The following BTF3L4 variants were observed in gnomAD, a reference collection of about 807,000 sequenced individuals.
The protein encoded by BTF3L4 is transcription factor BTF3 homolog 4.
Under a neutral mutation model 16.8 loss-of-function variants are expected in BTF3L4, and 6 were observed. The observed-to-expected ratio is 0.36, with a 90% confidence interval of 0.20 to 0.71. The LOEUF (loss-of-function observed/expected upper bound fraction) is 0.71. Ranked by LOEUF, BTF3L4 falls within the 30% of genes least tolerant of loss-of-function variation. The pLI, the probability that BTF3L4 is intolerant of heterozygous loss-of-function variation, is 0.58. For synonymous variants in BTF3L4, 39 were observed against 59.8 expected (o/e 0.65, Z 1.60); for missense variants, 92 against 186.9 (o/e 0.49, Z 2.96).
chr1:52,066,014 GGTGACAGA>G (rs1686638712), intron 3 of BTF3L4, among the ~76,000 whole-genome samples: 1 of 152,008 alleles, frequency 6.6e-6, no homozygotes, highest in South Asian at 2.1e-4. Context: ...CTCCAGCCTG[GGTGACAGA>G]GTGAGCATCC....
chr1:52,088,362 A>G lies in BTF3L4; in HGVS notation c.*1604A>G, dbSNP rs1443686470. On this transcript the variant is annotated 3_prime_UTR_variant, in exon 6 of 6. Transcript: ENST00000313334. Reference sequence around the variant, plus strand: ...TTATGTTTTATATAATATATGGACTAAACAAAATAAAATAACAGTGCAAAA... The same window carrying G: ...TTATGTTTTATATAATATATGGACTGAACAAAATAAAATAACAGTGCAAAA... The G allele has an allele frequency of 6.6e-6, 1 of 152,632 alleles. No individual in the cohort carries two copies. The allele number at this position is 152,632 out of a possible 1,614,324, so 9.5% of individuals were successfully genotyped here.
chr1:52,079,381 C>A (rs1160681277), intron 3 of BTF3L4, among the ~76,000 whole-genome samples: 644 of 126,090 alleles, frequency 5.1e-3, no homozygotes, highest in Non-Finnish European at 5.9e-3. Context: ...GACTCCATCT[C>A]AAAAAAAAAA....
intron 3 of BTF3L4, among the ~76,000 whole-genome samples, chr1:52,074,381 T>TC (rs1243743619): frequency 3.3e-5 from 5 of 151,506 alleles, no homozygotes; most frequent in Non-Finnish European, 5.9e-5. Flanking sequence ...TTTTTTTTTT[T>TC]GGAGGCAGTT....
Position 52,089,024 on chromosome 1 carries a change from T to A in BTF3L4, c.*2266T>A, listed in dbSNP as rs1283423441. 2 of 151,854 alleles carry A rather than the reference T, an allele frequency of 1.3e-5. No individual in the cohort carries two copies. The highest frequency in any genetic ancestry group is 4.8e-5 in the African/African-American group (2 of 41,256). 9.4% of individuals were successfully genotyped at this position (151,854 alleles called of 1,614,324 possible). A position where few individuals can be genotyped will look rare whatever the true frequency, so the allele number is the denominator to read the frequency against. On this transcript the variant is annotated 3_prime_UTR_variant, in exon 6 of 6. Coordinates refer to ENST00000313334, the MANE Select transcript of BTF3L4 (RefSeq NM_152265.5). ...ATTCATTTGCCTCGGCCTCCCAAAG[T>A]GCTAGGATTACAGGCGTGAGCCACT...
chr1:52,083,593 C>T, intron 4 of BTF3L4, 52 bp downstream of exon 4: 1 of 1,417,882 alleles, frequency 7.1e-7, no homozygotes, highest in Non-Finnish European at 9.9e-7. Flanking sequence ...CTTAAAGAAC[C>T]TAATCATTTA....
intron 3 of BTF3L4, among the ~76,000 whole-genome samples, chr1:52,073,507 C>T: frequency 6.8e-6 from 1 of 147,032 alleles, no homozygotes; most frequent in East Asian, 2.0e-4. Flanking sequence ...CACACACACA[C>T]ACACACACAC....
At position 52,078,661 on chromosome 1, in the gene BTF3L4, T is replaced by C. The variant is rs191048119; in HGVS notation, c.169-4679T>C. Among the ~76,000 whole-genome samples the C allele has an allele frequency of 6.5e-3, 985 of 152,270 alleles. 10 individuals carry two copies. The highest frequency in any genetic ancestry group is 0.022 in the African/African-American group (910 of 41,544). ...ATGGAGAAGTAGGAAATGGTTCTTC[T>C]AAACAGTGAAAACAGCATATATAAA... is the stretch of plus-strand genomic sequence containing the variant. On this transcript the variant is annotated intron_variant, in intron 3 of 5. Coordinates refer to ENST00000313334, the MANE Select transcript of BTF3L4 (RefSeq NM_152265.5).
At position 52,089,383 on chromosome 1, in the gene BTF3L4, A is replaced by G. The variant is rs1394400050; in HGVS notation, c.*2625A>G. The G allele has an allele frequency of 6.6e-6, 1 of 152,122 alleles. No homozygotes were observed. The highest frequency in any genetic ancestry group is 6.6e-5 in the Admixed American group (1 of 15,258). The allele number at this position is 152,122 out of a possible 1,614,324, so 9.4% of individuals were successfully genotyped here. On this transcript the variant is annotated 3_prime_UTR_variant, in exon 6 of 6. Transcript: ENST00000313334. ...TCTTCCCCTTTCCTGAACAAAGCAT[A>G]TTTAGAGTCTCAAAGAAATCCTCTC...
At chr1:52,073,663 GGTAACATCGTGAGATGCT>G (rs1686855938) in intron 3 of BTF3L4, among the ~76,000 whole-genome samples, 2 of 114,232 alleles carry the variant, frequency 1.8e-5, no homozygotes. Context: ...GACCAGCCTA[GGTAACATCGTGAGATGCT>G]GTCTCTACAA....
rs1016470690 is a variant in BTF3L4 at position 52,071,931 on chromosome 1, C to G, written c.168+6993C>G. 4.3e-3 allele frequency among the ~76,000 whole-genome samples: 550 copies of G among 127,968 alleles called. 11 individuals carry two copies. The East Asian group carries it at 0.047, about 11-fold the overall frequency. The allele number at this position is 127,968 out of a possible 152,430, so 84.0% of individuals were successfully genotyped here. On this transcript the variant is annotated intron_variant, in intron 3 of 5. Transcript: ENST00000313334. The stretch of plus-strand genomic sequence containing the variant: ...TTGGCTTTTTGTTTTGTTTTTTACT[C>G]TGTGTGTGTGTGTGTGTGTGTGTGT...
intron 2 of BTF3L4, among the ~76,000 whole-genome samples, chr1:52,063,140 C>T (rs1027388765): frequency 1.7e-4 from 26 of 152,006 alleles, no homozygotes; most frequent in African/African-American, 6.0e-4. Flanking sequence ...GGAATTGACA[C>T]GATTTAGTGA....
intron 3 of BTF3L4, among the ~76,000 whole-genome samples, chr1:52,066,037 C>CA (rs917023476): frequency 2.8e-4 from 41 of 144,546 alleles, no homozygotes; most frequent in East Asian, 4.0e-4. Context: ...GCATCCGTCT[C>CA]AAAAAAAAAA....
At chr1:52,070,081 G>A (rs35645368) in intron 3 of BTF3L4, among the ~76,000 whole-genome samples, 5,115 of 152,126 alleles carry the variant, frequency 0.034, 109 homozygotes, top group African/African-American at 0.046. Flanking sequence ...GCTGAGTGTG[G>A]TGGTGCATGC....
chr1:52,066,239 G>C (rs1456934731), intron 3 of BTF3L4, among the ~76,000 whole-genome samples: 1 of 151,926 alleles, frequency 6.6e-6, no homozygotes. Flanking sequence ...TGTCACCCAG[G>C]CTAGAGTGCA....
rs534485590 is a variant in BTF3L4 at position 52,087,557 on chromosome 1, C to A, written c.*799C>A. ...ATATAGAGTTTAGCGAGTGCCTAAT[C>A]CCTCCTTTTGTAAGATTTTGTTCCC... On this transcript the variant is annotated 3_prime_UTR_variant, in exon 6 of 6. Transcript: ENST00000313334. The A allele has an allele frequency of 2.6e-5, 4 of 152,216 alleles. No individual in the cohort carries two copies. The highest frequency in any genetic ancestry group is 9.6e-5 in the African/African-American group (4 of 41,534). The allele number at this position is 152,216 out of a possible 1,614,324, so 9.4% of individuals were successfully genotyped here.
rs1047141628 is a variant in BTF3L4, at chr1:52,086,988, G to A, written c.*230G>A. 4.7e-5 allele frequency: 19 copies of A among 404,040 alleles called. No homozygotes were observed. Among genetic ancestry groups the A allele is most frequent in the African/African-American group, 3.6e-4 (17 of 47,806 alleles). The allele number at this position is 404,040 out of a possible 1,614,324, so 25.0% of individuals were successfully genotyped here. Reference sequence around the variant, plus strand: ...TATGAAGTATTGGTGCAGTTTGAGGGTGTTTTGGTTTTTGATTCCTGGTTT... The same window carrying A: ...TATGAAGTATTGGTGCAGTTTGAGGATGTTTTGGTTTTTGATTCCTGGTTT... On this transcript the variant is annotated 3_prime_UTR_variant, in exon 6 of 6. Transcript: ENST00000313334.
intron 3 of BTF3L4, among the ~76,000 whole-genome samples, chr1:52,066,511 TG>T (rs1558005687): frequency 6.7e-6 from 1 of 148,474 alleles, no homozygotes; most frequent in East Asian, 2.1e-4. Context: ...CAGTTCCATC[TG>T]TGATGGTAAC....
intron 5 of BTF3L4, chr1:52,086,373 G>T: frequency 2.1e-6 from 1 of 487,510 alleles, no homozygotes. Context: ...ACAAAGCTCT[G>T]CTGCCTGGAT....
In BTF3L4 at chr1:52,063,210, T is replaced by G. The variant is rs1386516441; in HGVS notation, c.55-1615T>G. On this transcript the variant is annotated intron_variant, in intron 2 of 5. Coordinates refer to ENST00000313334, the MANE Select transcript of BTF3L4 (RefSeq NM_152265.5). ...GAATCTAGGATAACCCTCAGATTCA[T>G]GATTTTAGAGACTTGAGTATATGGT... Among the ~76,000 whole-genome samples, 6 of 152,194 alleles carry G rather than the reference T, an allele frequency of 3.9e-5. No homozygotes were observed. The East Asian group carries it at 1.2e-3, about 29-fold the overall frequency.
Sources: allele counts gnomAD v4.1 joint callset (sites outside exome capture counted in the v4.1 genomes callset), GRCh38; gene constraint gnomAD v4.1.1; transcripts MANE v1.5; gene names NCBI Gene and HGNC (gene_info 2026-07-23, HGNC 2026-07-21).